DOCK8: variants seen among roughly 807,000 people sequenced by gnomAD.
DOCK8 encodes the protein dedicator of cytokinesis protein 8.
Under a neutral mutation model 245.6 loss-of-function variants are expected in DOCK8, and 141 were observed. The ratio of observed to expected loss-of-function variants is 0.57; its 90% CI spans 0.50 to 0.66. The LOEUF (loss-of-function observed/expected upper bound fraction) is 0.66, where lower values mean the gene tolerates loss of function less well. Among genes scored for constraint, DOCK8 ranks in the 30% least tolerant of loss-of-function variants. DOCK8 has a pLI of 0.00. For synonymous variants in DOCK8, 1,168 were observed against 970.2 expected, an observed-to-expected ratio of 1.20 and a Z score of -3.79; for missense variants, 2,965 against 2,603.4, an observed-to-expected ratio of 1.14 and a Z score of -3.02.
At chr9:390,390 G>A in intron 23 of DOCK8, 81 bp from the exon 24 acceptor site, 1 of 1,272,876 alleles carries the variant, frequency 7.9e-7, no homozygotes, top group Non-Finnish European at 1.1e-6. Context: ...TAAATTGGGG[G>A]GAATAAAAGA....
At chr9:400,231 ACCATCACCACCACCT>A (rs2054790844) in intron 26 of DOCK8, among the ~76,000 whole-genome samples, 1 of 107,014 alleles carries the variant, frequency 9.3e-6, no homozygotes, top group Non-Finnish European at 2.0e-5. Context: ...CACCACCTCC[ACCATCACCACCACCT>A]CCACCATCAC....
chr9:427,519 C>G (rs1461334939), intron 34 of DOCK8, among the ~76,000 whole-genome samples: 2 of 152,110 alleles, frequency 1.3e-5, no homozygotes, highest in African/African-American at 4.8e-5. Context: ...GAACTTTGTA[C>G]CATACTAATT....
intron 2 of DOCK8, among the ~76,000 whole-genome samples, chr9:284,146 G>T (rs1193087395): frequency 6.6e-6 from 1 of 152,182 alleles, no homozygotes; most frequent in Non-Finnish European, 1.5e-5. Flanking sequence ...TGTATTCCAT[G>T]TGGTGGTTGG....
At chr9:338,224 C>G (rs1412298704) in intron 12 of DOCK8, among the ~76,000 whole-genome samples, 2 of 151,908 alleles carry the variant, frequency 1.3e-5, no homozygotes, top group Admixed American at 1.3e-4. Context: ...TTAAAATAAA[C>G]TCGCTTGGTC....
rs1469276397 is a variant in DOCK8, at chr9:433,862, A to G, written c.4786-13A>G. 2 of 1,601,902 alleles carry G rather than the reference A, an allele frequency of 1.2e-6. No homozygotes were observed. The highest frequency in any genetic ancestry group is 1.3e-5 in the African/African-American group (1 of 74,810). On this transcript the variant is annotated splice_polypyrimidine_tract_variant and intron_variant, in intron 37 of 47. Coordinates refer to ENST00000432829, the MANE Select transcript of DOCK8 (RefSeq NM_203447.4). ...CAAAGCTAAGATTATTTTGAGGCTT[A>G]CACTTTTTGCAGGTGGAGGAACTTC...
intron 19 of DOCK8, among the ~76,000 whole-genome samples, chr9:376,620 G>A (rs1311004547): frequency 6.6e-6 from 1 of 152,126 alleles, no homozygotes; most frequent in Non-Finnish European, 1.5e-5. Context: ...CACTTTGCCA[G>A]CTTTTAAAAA....
chr9:242,258 C>T (rs774146208), intron 1 of DOCK8, among the ~76,000 whole-genome samples: 34 of 152,164 alleles, frequency 2.2e-4, no homozygotes, highest in Non-Finnish European at 2.2e-4. Context: ...CAAAAAATGA[C>T]TGCTGTGCTC....
intron 39 of DOCK8, among the ~76,000 whole-genome samples, chr9:438,798 C>G (rs2056989971): frequency 6.6e-6 from 1 of 152,222 alleles, no homozygotes; most frequent in Non-Finnish European, 1.5e-5. Context: ...TGTCGTATGT[C>G]ATGGCTGTTT....
chr9:362,590 C>G (rs180724803), intron 14 of DOCK8, among the ~76,000 whole-genome samples: 3 of 152,180 alleles, frequency 2.0e-5, no homozygotes, highest in Non-Finnish European at 4.4e-5. Flanking sequence ...CTGCTCCTCT[C>G]TCCTCTCAAA....
intron 7 of DOCK8, among the ~76,000 whole-genome samples, chr9:325,159 A>G (rs2050703906): frequency 6.6e-6 from 1 of 152,200 alleles, no homozygotes; most frequent in Non-Finnish European, 1.5e-5. Flanking sequence ...CTTCTATTTT[A>G]TGGATAAGCA....
chr9:342,758 A>G (rs145904200), intron 14 of DOCK8, among the ~76,000 whole-genome samples: 1,802 of 152,222 alleles, frequency 0.012, 24 homozygotes, highest in Non-Finnish European at 0.02. Context: ...GTGAGCCACC[A>G]TGCCCATCCT....
intron 42 of DOCK8, among the ~76,000 whole-genome samples, chr9:443,120 C>T (rs1435467385): frequency 2.0e-5 from 3 of 152,148 alleles, no homozygotes; most frequent in African/African-American, 7.2e-5. Context: ...CTTCCAAGTT[C>T]CCAGGGTACA....
intron 28 of DOCK8, among the ~76,000 whole-genome samples, chr9:410,449 A>G (rs1240536879): frequency 6.6e-6 from 1 of 152,112 alleles, no homozygotes; most frequent in Admixed American, 6.6e-5. Flanking sequence ...CTCTTCTGTA[A>G]ATTGACATTT....
At chr9:388,412 G>A (rs143396954) in intron 23 of DOCK8, among the ~76,000 whole-genome samples, 49 of 152,180 alleles carry the variant, frequency 3.2e-4, no homozygotes, top group African/African-American at 1.2e-3. Flanking sequence ...AACCCGCCTG[G>A]GATCTAATTG....
intron 12 of DOCK8, among the ~76,000 whole-genome samples, chr9:337,980 C>T (rs1052886849): frequency 2.0e-5 from 3 of 152,096 alleles, no homozygotes; most frequent in African/African-American, 7.2e-5. Context: ...ATGGTGAACC[C>T]CCGTCTCTAC....
At position 420,966 on chromosome 9, in the gene DOCK8, C is replaced by T; in HGVS notation, c.4041C>T (p.Asp1347=). 6.2e-7 allele frequency: 1 copy of T among 1,614,188 alleles called. No individual in the cohort carries two copies. The highest frequency in any genetic ancestry group is 8.5e-7 in the Non-Finnish European group (1 of 1,180,030). Reference sequence around the variant, plus strand: ...TTGTCCAGGGAAAACAGAGTTCTGACAAAGTCAGTACCCAAGTCCTGCAGA... The same window carrying T: ...TTGTCCAGGGAAAACAGAGTTCTGATAAAGTCAGTACCCAAGTCCTGCAGA... The part of the protein sequence containing the change: ...CFEYKGKQSS[D]KVSTQVLQKS... The change falls in exon 32 of 48, where the codon GAC becomes GAT. Residue 1347 remains aspartate (D), a synonymous_variant. Coordinates refer to ENST00000432829, the MANE Select transcript of DOCK8 (RefSeq NM_203447.4).
At chr9:433,082 T>A (rs2056775159) in intron 37 of DOCK8, among the ~76,000 whole-genome samples, 1 of 152,262 alleles carries the variant, frequency 6.6e-6, no homozygotes, top group African/African-American at 2.4e-5. Flanking sequence ...CAATGTTGCA[T>A]CCTCATTCTC....
intron 14 of DOCK8, among the ~76,000 whole-genome samples, chr9:352,740 C>CAAAAAAAAAA (rs56298794): frequency 1.3e-4 from 19 of 141,528 alleles, no homozygotes; most frequent in African/African-American, 5.0e-4. Context: ...GACTCTGTCT[C>CAAAAAAAAAA]AAAAAAAAAG....
intron 1 of DOCK8, among the ~76,000 whole-genome samples, chr9:230,047 C>G (rs2047073893): frequency 1.4e-5 from 2 of 147,318 alleles, no homozygotes; most frequent in Admixed American, 6.8e-5. Context: ...AATGCTATCC[C>G]TCACCCCTCC....
Sources: allele counts gnomAD v4.1 joint callset (sites outside exome capture counted in the v4.1 genomes callset), GRCh38; gene constraint gnomAD v4.1.1; transcripts MANE v1.5; gene names NCBI Gene and HGNC (gene_info 2026-07-23, HGNC 2026-07-21).